The following WDPCP variants were observed in gnomAD, a reference collection of about 807,000 sequenced individuals.
WDPCP encodes WD repeat containing planar cell polarity effector.
A neutral mutation model predicts 93.1 loss-of-function variants in WDPCP; 71 were observed. The observed-to-expected ratio is 0.76, with a 90% CI of 0.63 to 0.93. WDPCP has a LOEUF of 0.93. Ranked by LOEUF, WDPCP falls within the 40% of genes least tolerant of loss-of-function variation. The pLI, the probability that WDPCP is intolerant of heterozygous loss-of-function variation, is 0.00. For synonymous variants in WDPCP, 315 were observed against 315.0 expected (o/e 1.00, Z 0.00); for missense variants, 844 against 887.4 (o/e 0.95, Z 0.62).
chr2:63,752,431 A>G, intron 2 of WDPCP: 2 of 765,608 alleles, frequency 2.6e-6, no homozygotes, highest in South Asian at 2.7e-5. Context: ...TCGTGGCTGC[A>G]TCCACCTCCT....
chr2:63,824,307 CTTCTT>C (rs963862599), intron 1 of WDPCP, among the ~76,000 whole-genome samples: 3 of 151,716 alleles, frequency 2.0e-5, no homozygotes, highest in African/African-American at 7.3e-5. Flanking sequence ...ATCAATTAAA[CTTCTT>C]TTCTTTATAA....
intron 2 of WDPCP, among the ~76,000 whole-genome samples, chr2:63,654,624 CTG>C (rs1262184788): frequency 6.6e-6 from 1 of 152,134 alleles, no homozygotes; most frequent in Non-Finnish European, 1.5e-5. Flanking sequence ...CCCTCAGTGT[CTG>C]TGGGAGATTG....
intron 1 of WDPCP, among the ~76,000 whole-genome samples, chr2:63,525,712 G>A (rs1011101147): frequency 7.9e-5 from 12 of 152,182 alleles, no homozygotes; most frequent in Non-Finnish European, 1.8e-4. Context: ...CTAGAGAGAA[G>A]GGCTGACTGC....
At chr2:63,258,636 A>C (rs1051475518) in intron 14 of WDPCP, among the ~76,000 whole-genome samples, 4 of 152,184 alleles carry the variant, frequency 2.6e-5, no homozygotes, top group African/African-American at 9.6e-5. Context: ...TACTTTAGGA[A>C]TAATAAATAC....
At chr2:63,356,388 A>C (rs1221284009) in intron 12 of WDPCP, among the ~76,000 whole-genome samples, 1 of 152,228 alleles carries the variant, frequency 6.6e-6, no homozygotes, top group Non-Finnish European at 1.5e-5. Context: ...AAAATTAACA[A>C]AGATATTCAG....
chr2:63,388,538 G>A (rs1233960031), intron 10 of WDPCP, among the ~76,000 whole-genome samples: 1 of 152,194 alleles, frequency 6.6e-6, no homozygotes. Context: ...AAAGCTGGAC[G>A]GAGAATGACT....
chr2:63,240,547 T>C (rs1324690583), intron 14 of WDPCP, among the ~76,000 whole-genome samples: 4 of 152,166 alleles, frequency 2.6e-5, no homozygotes, highest in Non-Finnish European at 5.9e-5. Flanking sequence ...CATTTTGGAA[T>C]TATTGATAGA....
At chr2:63,454,850 T>C (rs1455182551) in intron 6 of WDPCP, among the ~76,000 whole-genome samples, 1 of 152,132 alleles carries the variant, frequency 6.6e-6, no homozygotes, top group African/African-American at 2.4e-5. Flanking sequence ...CCTATCAGAC[T>C]AACAGCAAAC....
intron 2 of WDPCP, among the ~76,000 whole-genome samples, chr2:63,695,820 C>T (rs1194755169): frequency 6.6e-6 from 1 of 152,150 alleles, no homozygotes; most frequent in Non-Finnish European, 1.5e-5. Flanking sequence ...GACCTTTCCA[C>T]TAAGGGTAAT....
At chr2:63,456,447 T>C (rs115072513) in intron 6 of WDPCP, among the ~76,000 whole-genome samples, 2,343 of 151,672 alleles carry the variant, frequency 0.015, 54 homozygotes, top group African/African-American at 0.052. Flanking sequence ...AATGAATAAA[T>C]AAATAAATGC....
chr2:63,326,638 G>A (rs1327961331), intron 12 of WDPCP, among the ~76,000 whole-genome samples: 4 of 149,748 alleles, frequency 2.7e-5, no homozygotes, highest in East Asian at 2.1e-4. Context: ...GAGAGACAGA[G>A]AGAGAGGGAG....
intron 3 of WDPCP, among the ~76,000 whole-genome samples, chr2:63,611,281 A>T (rs1451191995): frequency 1.3e-5 from 2 of 152,316 alleles, no homozygotes; most frequent in East Asian, 3.9e-4. Flanking sequence ...TAAGTTGGTT[A>T]TTTCATACAT....
intron 1 of WDPCP, among the ~76,000 whole-genome samples, chr2:63,553,425 C>T (rs941109203): frequency 1.3e-5 from 2 of 152,086 alleles, no homozygotes; most frequent in African/African-American, 4.8e-5. Context: ...GGATGAATGC[C>T]TGAGGTGTTT....
rs1669746378 is a variant in WDPCP, at chr2:63,743,052, G to T, written n.308+70570C>A. On this transcript the variant is annotated intron_variant and non_coding_transcript_variant, in intron 2 of 4. Transcript: ENST00000467687. ...CAACCCCGTGGAATTGATATTGTTT[G>T]TATTTTCATGTTACAGATGAGTAAA... 2.6e-5 allele frequency among the ~76,000 whole-genome samples: 4 copies of T among 152,024 alleles called. No individual in the cohort carries two copies. The South Asian group carries it at 8.3e-4, about 31-fold the overall frequency.
chr2:63,525,499 T>G (rs758331799), intron 1 of WDPCP, among the ~76,000 whole-genome samples: 1 of 152,246 alleles, frequency 6.6e-6, no homozygotes, highest in Non-Finnish European at 1.5e-5. Context: ...TCTGGAATCA[T>G]TGATTAAAAT....
chr2:63,399,566 G>A (rs1445940766), intron 10 of WDPCP, among the ~76,000 whole-genome samples: 1 of 110,512 alleles, frequency 9.0e-6, no homozygotes, highest in African/African-American at 3.4e-5. Context: ...TTTAGAGGGT[G>A]AAAGGAGAGA....
At chr2:63,323,685 C>T (rs981649907) in intron 12 of WDPCP, among the ~76,000 whole-genome samples, 5 of 151,984 alleles carry the variant, frequency 3.3e-5, no homozygotes, top group Non-Finnish European at 5.9e-5. Context: ...AATGGGTTTT[C>T]GAGAATGTGT....
chr2:63,387,329 ACACAAATCACTAAATG>A (rs1438459088), intron 10 of WDPCP, among the ~76,000 whole-genome samples: 4 of 152,200 alleles, frequency 2.6e-5, no homozygotes, highest in Non-Finnish European at 5.9e-5. Flanking sequence ...AGGTCAACAT[ACACAAATCACTAAATG>A]TGATTCATCA....
intron 9 of WDPCP, among the ~76,000 whole-genome samples, chr2:63,411,017 T>A (rs1195574254): frequency 1.3e-5 from 2 of 152,086 alleles, no homozygotes; most frequent in African/African-American, 4.8e-5. Context: ...AAAAATGGAT[T>A]TAAACTATAC....
Sources: gnomAD v4.1 joint callset for allele counts (sites outside exome capture counted in the v4.1 genomes callset) on GRCh38, gnomAD v4.1.1 for gene constraint, MANE v1.5 for transcripts, NCBI Gene and HGNC (gene_info 2026-07-23, HGNC 2026-07-21) for gene names.